The following PAK4 variants were observed in gnomAD, a reference collection of about 807,000 sequenced individuals.
The protein encoded by PAK4 is serine/threonine-protein kinase PAK 4.
A neutral mutation model predicts 53.5 loss-of-function variants in PAK4; 49 were observed. The ratio of observed to expected loss-of-function variants is 0.92; its 90% CI spans 0.73 to 1.16. The LOEUF is 1.16. Among genes scored for constraint, PAK4 ranks in the 50% most tolerant of loss-of-function variants. The pLI is 0.00. For missense variants in PAK4, 824 were observed against 850.7 expected (o/e 0.97, Z 0.39); for synonymous variants, 376 against 375.6 (o/e 1.00, Z -0.01).
chr19:39,139,183 T>C (rs531841853), intron 1 of PAK4, among the ~76,000 whole-genome samples: 1 of 152,248 alleles, frequency 6.6e-6, no homozygotes, highest in African/African-American at 2.4e-5. Flanking sequence ...ATTTATTCTG[T>C]GGGTCTTGGC....
chr19:39,137,059 C>G (rs906739287), intron 1 of PAK4, among the ~76,000 whole-genome samples: 1 of 152,196 alleles, frequency 6.6e-6, no homozygotes, highest in Non-Finnish European at 1.5e-5. Flanking sequence ...GTGTCTTCCT[C>G]TCTAGAAGGT....
At chr19:39,146,896 G>T (rs2074007877) in intron 1 of PAK4, among the ~76,000 whole-genome samples, 1 of 151,152 alleles carries the variant, frequency 6.6e-6, no homozygotes. Flanking sequence ...AGGGAGAGGG[G>T]GGAAGGAAGG....
At chr19:39,135,272 C>G (rs1838844561) in intron 1 of PAK4, 2 of 151,434 alleles carry the variant, frequency 1.3e-5, no homozygotes, top group South Asian at 4.2e-4. Context: ...TCCCCTTGCT[C>G]CTGTCCATTC....
chr19:39,137,865 GC>G lies in PAK4; in HGVS notation c.-23+11948del, dbSNP rs1306599314. Among the ~76,000 whole-genome samples the G allele has an allele frequency of 1.1e-4, 16 of 152,124 alleles. No homozygotes were observed. The East Asian group carries it at 3.1e-3, about 29-fold the overall frequency. ...GTGTTTTTAATAGAGATGAGGCTTT[GC>G]CGTGTTAGCCAGGATGGTCTCGATC... On this transcript the variant is annotated intron_variant, in intron 1 of 8. Transcript: ENST00000358301.
At chr19:39,172,657 A>T (rs1272527532) in intron 2 of PAK4, among the ~76,000 whole-genome samples, 1 of 152,086 alleles carries the variant, frequency 6.6e-6, no homozygotes, top group African/African-American at 2.4e-5. Context: ...GGAGAAAAAC[A>T]AGGGGGGCCT....
chr19:39,140,720 A>G (rs550066621), intron 1 of PAK4, among the ~76,000 whole-genome samples: 3 of 152,202 alleles, frequency 2.0e-5, no homozygotes, highest in Admixed American at 2.0e-4. Flanking sequence ...ACCCCTCTCC[A>G]GCGAAGGGCT....
At chr19:39,140,418 C>T (rs1008960226) in intron 1 of PAK4, among the ~76,000 whole-genome samples, 6 of 152,176 alleles carry the variant, frequency 3.9e-5, no homozygotes, top group Non-Finnish European at 8.8e-5. Flanking sequence ...AGGGCTGGCT[C>T]TGCAAGTTTG....
chr19:39,160,199 C>T (rs760066838), intron 1 of PAK4, among the ~76,000 whole-genome samples: 1 of 152,078 alleles, frequency 6.6e-6, no homozygotes, highest in Non-Finnish European at 1.5e-5. Flanking sequence ...AGTGAGTGTA[C>T]GAGGCCCAGG....
Position 39,173,767 on chromosome 19 carries a change from G to T in PAK4, c.855G>T (p.Gly285=), listed in dbSNP as rs767696341. 4 of 1,592,292 alleles carry T rather than the reference G, an allele frequency of 2.5e-6. No homozygotes were observed. Among genetic ancestry groups the T allele is most frequent in the Non-Finnish European group, 3.4e-6 (4 of 1,171,416 alleles). The change falls in exon 4 of 9, where the codon GGG becomes GGT. Residue 285 remains glycine, a synonymous_variant. Transcript: ENST00000358301. The surrounding 1 kb of genome is among the most constrained non-coding windows in gnomAD (Gnocchi z 6.9). ...CCCCCGCCGCCCCTGCTGTTCCTGGGCCCCCTGGCCCCCGCTCACCACAGC... is the reference window on the plus strand; with the variant it reads ...CCCCCGCCGCCCCTGCTGTTCCTGGTCCCCCTGGCCCCCGCTCACCACAGC...
In PAK4 at chr19:39,173,710, C is replaced by A. The variant is rs2074538992; in HGVS notation, c.798C>A (p.Ala266=). 1 of 1,581,616 alleles carries A rather than the reference C, an allele frequency of 6.3e-7. No individual in the cohort carries two copies. The highest frequency in any genetic ancestry group is 8.6e-7 in the Non-Finnish European group (1 of 1,166,314). ...GCCCTGGAGTGCTGGGACCCCACGC[C>A]TCAGAGCCCCAGCTGGCCCCTCCAG... Residue 266 remains alanine (A), a synonymous_variant, in exon 4 of 9, where the codon GCC becomes GCA. Coordinates refer to ENST00000358301, the Ensembl canonical transcript of PAK4. The surrounding 1 kb of genome is among the most constrained non-coding windows in gnomAD (Gnocchi z 6.9).
Position 39,175,402 on chromosome 19 carries a change from C to G in PAK4, c.1323C>G (p.Ile441Met), listed in dbSNP as rs146720735. 3.1e-6 allele frequency: 5 copies of G among 1,611,244 alleles called. No homozygotes were observed. In the South Asian group the frequency reaches 5.5e-5, roughly 18 times the overall value. ...CCCAGGGCGTCATCCACCGGGACATCAAGAGCGACTCGATCCTGCTGACCC... is the reference window on the plus strand; with the variant it reads ...CCCAGGGCGTCATCCACCGGGACATGAAGAGCGACTCGATCCTGCTGACCC... The change falls in exon 6 of 9, where the codon ATC (isoleucine) becomes ATG (methionine). Residue 441 changes from isoleucine to methionine, a missense_variant. Physicochemically the swap from Ile to Met is conservative, Grantham distance 10 (BLOSUM62 1). Around this residue, in one of 2 missense-constraint regions of PAK4, gnomAD observed 346 missense variants for 415.0 expected, o/e 0.83. Transcript: ENST00000358301. This position sits in a 1 kb window ranked among gnomAD's most constrained non-coding sequence, Gnocchi z 4.7.
At chr19:39,140,513 G>C (rs1350673008) in intron 1 of PAK4, among the ~76,000 whole-genome samples, 1 of 152,208 alleles carries the variant, frequency 6.6e-6, no homozygotes, top group Non-Finnish European at 1.5e-5. Flanking sequence ...TCTACTGCCA[G>C]TTAATGTTTC....
At chr19:39,174,118 C>T in intron 4 of PAK4, 108 bp downstream of exon 5, 1 of 728,636 alleles carries the variant, frequency 1.4e-6, no homozygotes. Flanking sequence ...GGGCCAGGCT[C>T]CCCTCCTCCC....
rs150605650 is a variant in PAK4 at position 39,175,811 on chromosome 19, G to A, written c.1359+373G>A. ...CCTGTCTTCCATGCTTTGGACTGAG[G>A]TTCCAAATCTGAGGCTGTGACAATT... On this transcript the variant is annotated intron_variant, in intron 6 of 8. Coordinates refer to ENST00000358301, the Ensembl canonical transcript of PAK4. The surrounding 1 kb of genome is among the most constrained non-coding windows in gnomAD (Gnocchi z 4.7). 3.9e-4 allele frequency among the ~76,000 whole-genome samples: 59 copies of A among 152,364 alleles called. No individual in the cohort carries two copies. The highest frequency in any genetic ancestry group is 1.3e-3 in the African/African-American group (54 of 41,588).
chr19:39,155,503 A>G (rs527405238), intron 1 of PAK4, among the ~76,000 whole-genome samples: 3 of 152,080 alleles, frequency 2.0e-5, no homozygotes, highest in African/African-American at 4.8e-5. Flanking sequence ...GAGGGTGAGA[A>G]GGGATGAACC....
Position 39,178,190 on chromosome 19 carries a change from A to C in PAK4, c.1621-234A>C, listed in dbSNP as rs2074647389. ...GCTAAACCATGGAAATAGGGAGTACATGAGCCCCCAGGGTTTGTCACTTCC... is the reference window on the plus strand; with the variant it reads ...GCTAAACCATGGAAATAGGGAGTACCTGAGCCCCCAGGGTTTGTCACTTCC... On this transcript the variant is annotated intron_variant, in intron 8 of 8. Coordinates refer to ENST00000358301, the Ensembl canonical transcript of PAK4. The surrounding 1 kb of genome is among the most constrained non-coding windows in gnomAD (Gnocchi z 4.4). Among the ~76,000 whole-genome samples, 1 of 152,076 alleles carries C rather than the reference A, an allele frequency of 6.6e-6. No homozygotes were observed. The highest frequency in any genetic ancestry group is 1.5e-5 in the Non-Finnish European group (1 of 67,982).
At chr19:39,134,274 A>G (rs371380521) in intron 1 of PAK4, among the ~76,000 whole-genome samples, 1 of 152,272 alleles carries the variant, frequency 6.6e-6, no homozygotes, top group African/African-American at 2.4e-5. Flanking sequence ...GCAAAGAATT[A>G]CAAAGTGAAC....
Position 39,178,414 on chromosome 19 carries a change from T to A in PAK4, c.1621-10T>A. The A allele has an allele frequency of 6.3e-7, 1 of 1,575,398 alleles. No individual in the cohort carries two copies. Among genetic ancestry groups the A allele is most frequent in the Non-Finnish European group, 8.6e-7 (1 of 1,161,182 alleles). ...GCCTCGCCCCCTGACCCTCCCCTCC[T>A]TCTCGACAGGTGTCGCCATCCCTGA... On this transcript the variant is annotated splice_polypyrimidine_tract_variant and intron_variant, in intron 8 of 8. Transcript: ENST00000358301. The surrounding 1 kb of genome is among the most constrained non-coding windows in gnomAD (Gnocchi z 4.4).
rs184475478 is a variant in PAK4 at position 39,170,434 on chromosome 19, C to T, written c.204+677C>T. 1.9e-3 allele frequency among the ~76,000 whole-genome samples: 293 copies of T among 152,280 alleles called. 1 individual carries two copies. The highest frequency in any genetic ancestry group is 3.6e-3 in the Non-Finnish European group (244 of 68,004). On this transcript the variant is annotated intron_variant, in intron 2 of 8. Coordinates refer to ENST00000358301, the Ensembl canonical transcript of PAK4. ...TGAACCAATGTCTGTTTCCAAGGCC[C>T]GTGCTCTTAACCCCTCTGCTGCCTC... is the stretch of plus-strand genomic sequence containing the variant.
Sources: gnomAD v4.1 joint callset for allele counts (sites outside exome capture counted in the v4.1 genomes callset) on GRCh38, gnomAD v4.1.1 for gene constraint, gnomAD v4.1.1 regional missense constraint, Gnocchi (gnomAD v3.1) non-coding constraint, MANE v1.5 for transcripts, NCBI Gene and HGNC (gene_info 2026-07-23, HGNC 2026-07-21) for gene names.